Variants in CSE1L observed in about 807,000 individuals in gnomAD.
CSE1L encodes chromosome segregation 1 like.
In CSE1L, 24 loss-of-function variants were observed where a neutral mutation model predicts 120.4. The ratio of observed to expected loss-of-function variants is 0.20; its 90% confidence interval spans 0.14 to 0.28. CSE1L has a LOEUF of 0.28. Among genes scored for constraint, CSE1L ranks in the 10% least tolerant of loss-of-function variants. The pLI, the probability that CSE1L is intolerant of heterozygous loss-of-function variation, is 1.00. For synonymous variants in CSE1L, 402 were observed against 398.3 expected (o/e 1.01, Z -0.11); for missense variants, 830 against 1,145.2 (o/e 0.72, Z 3.97).
At position 49,063,117 on chromosome 20, in the gene CSE1L, G is replaced by T. The variant is rs886768797; in HGVS notation, c.86-85G>T. 52 of 692,302 alleles carry T rather than the reference G, an allele frequency of 7.5e-5. 1 individual carries two copies. The South Asian group carries it at 8.0e-4, about 11-fold the overall frequency. The allele number at this position is 692,302 out of a possible 1,614,324, so 42.9% of individuals were successfully genotyped here. A position where few individuals can be genotyped will look rare whatever the true frequency, so the allele number is the denominator to read the frequency against. ...ATAACCTAATCTTTTCTCTTTTTTT[G>T]ATTTTTTTTTATATATATATATTTG... On this transcript the variant is annotated intron_variant, in intron 2 of 24. Transcript: ENST00000262982.
chr20:49,072,195 TAA>T (rs2123708536), intron 8 of CSE1L, 89 bp from the exon 9 acceptor site: 18 of 1,334,072 alleles, frequency 1.3e-5, no homozygotes, highest in African/African-American at 2.9e-5. Flanking sequence ...ATTTAATTGA[TAA>T]AGAGTCTAGT....
In CSE1L at chr20:49,094,911, A is replaced by G. The variant is rs540079258; in HGVS notation, c.2774A>G (p.Lys925Arg). The G allele has an allele frequency of 4.3e-6, 7 of 1,614,168 alleles. No individual in the cohort carries two copies. The East Asian group carries it at 1.1e-4, about 26-fold the overall frequency. ...GTAGGTCAAATGGTGAATAACCCCA[A>G]AATTCACCTGGCACAGTCACTTCAC... is the stretch of plus-strand genomic sequence containing the variant. ...DPVGQMVNNPKIHLAQSLHKL... is the reference protein window; with the variant it reads ...DPVGQMVNNPRIHLAQSLHKL... The change falls in exon 24 of 25, where the codon AAA becomes AGA. Residue 925 changes from lysine (K) to arginine (R), a missense_variant. Lys to Arg is a conservative substitution (Grantham distance 26). Coordinates refer to ENST00000262982, the MANE Select transcript of CSE1L (RefSeq NM_001316.4).
chr20:49,065,312 A>ATTTTTTTTTTTTTTTTTTTTTTTTTTTTT (rs1568769017), intron 3 of CSE1L, among the ~76,000 whole-genome samples: 1 of 79,418 alleles, frequency 1.3e-5, no homozygotes, highest in Non-Finnish European at 2.4e-5. Flanking sequence ...ATGAAAAAAA[A>ATTTTTTTTTTTTTTTTTTTTTTTTTTTTT]ATTTTTTTTT....
In CSE1L at chr20:49,089,238, T is replaced by TA; in HGVS notation, c.1822-7dup. ...TTAGCATAATTAGGTTTTTTTTTTTTAATTTCAGAACCCAAGCAAACCTCA... is the reference window on the plus strand; with the variant it reads ...TTAGCATAATTAGGTTTTTTTTTTTTAAATTTCAGAACCCAAGCAAACCTCA... On this transcript the variant is annotated splice_polypyrimidine_tract_variant and intron_variant, in intron 17 of 24. Coordinates refer to ENST00000262982, the MANE Select transcript of CSE1L (RefSeq NM_001316.4). The TA allele has an allele frequency of 6.5e-7, 1 of 1,542,592 alleles. No homozygotes were observed. The highest frequency in any genetic ancestry group is 8.7e-7 in the Non-Finnish European group (1 of 1,151,820).
At chr20:49,059,257 A>G (rs1238027000) in intron 2 of CSE1L, among the ~76,000 whole-genome samples, 1 of 152,076 alleles carries the variant, frequency 6.6e-6, no homozygotes, top group Non-Finnish European at 1.5e-5. Flanking sequence ...TTAATTTTCT[A>G]TTGGGTTTGA....
At chr20:49,065,585 A>ATTTTTTTTT (rs1568769284) in intron 3 of CSE1L, among the ~76,000 whole-genome samples, 1 of 77,284 alleles carries the variant, frequency 1.3e-5, no homozygotes, top group South Asian at 6.0e-4. Context: ...CTAAAATGGA[A>ATTTTTTTTT]ATTTTTTTTT....
At chr20:49,072,516 A>C in intron 9 of CSE1L, 52 bp from the exon 10 acceptor site, 2 of 1,605,612 alleles carry the variant, frequency 1.2e-6, no homozygotes, top group Non-Finnish European at 1.7e-6. Flanking sequence ...CCAAGAAATA[A>C]GCTGTTGAGT....
chr20:49,085,045 ATGT>A (rs1244669406), intron 15 of CSE1L, among the ~76,000 whole-genome samples: 1 of 152,098 alleles, frequency 6.6e-6, no homozygotes, highest in African/African-American at 2.4e-5. Context: ...TCAACTTCAG[ATGT>A]TGTTGGGTTT....
At chr20:49,047,052 T>C (rs2123625258) in intron 1 of CSE1L, among the ~76,000 whole-genome samples, 1 of 152,320 alleles carries the variant, frequency 6.6e-6, no homozygotes, top group African/African-American at 2.4e-5. Flanking sequence ...ACCCGGGACA[T>C]AGAAATCCCC....
At chr20:49,086,359 C>CTTTTTTTTTTTT (rs10648977) in intron 16 of CSE1L, among the ~76,000 whole-genome samples, 4 of 77,644 alleles carry the variant, frequency 5.2e-5, no homozygotes, top group Non-Finnish European at 6.8e-5. Flanking sequence ...GTTTAATGTC[C>CTTTTTTTTTTTT]TTTTTTTTTT....
intron 2 of CSE1L, among the ~76,000 whole-genome samples, chr20:49,059,689 C>T (rs2091836898): frequency 6.6e-6 from 1 of 151,926 alleles, no homozygotes; most frequent in African/African-American, 2.4e-5. Context: ...ACCATCGTGG[C>T]TAATATGGTG....
At chr20:49,050,579 T>G (rs962573951) in intron 1 of CSE1L, among the ~76,000 whole-genome samples, 8 of 151,428 alleles carry the variant, frequency 5.3e-5, no homozygotes, top group Non-Finnish European at 1.0e-4. Context: ...ATTTTTTTTT[T>G]TTTGTATTTT....
In CSE1L at chr20:49,096,612, T is replaced by C; in HGVS notation, c.*174T>C. 1 of 618,138 alleles carries C rather than the reference T, an allele frequency of 1.6e-6. No individual in the cohort carries two copies. Among genetic ancestry groups the C allele is most frequent in the East Asian group, 2.8e-5 (1 of 36,344 alleles). The allele number at this position is 618,138 out of a possible 1,614,324, so 38.3% of individuals were successfully genotyped here. A position where few individuals can be genotyped will look rare whatever the true frequency, so the allele number is the denominator to read the frequency against. On this transcript the variant is annotated 3_prime_UTR_variant, in exon 25 of 25. Coordinates refer to ENST00000262982, the MANE Select transcript of CSE1L (RefSeq NM_001316.4). ...AACCTTGAGCAAATTAGTTGGTTTG[T>C]GTGATCATACAGTTATGTGGGTGGC...
intron 8 of CSE1L, among the ~76,000 whole-genome samples, chr20:49,071,156 T>C (rs889443002): frequency 3.0e-4 from 45 of 152,174 alleles, no homozygotes; most frequent in African/African-American, 1.0e-3. Context: ...AACTAAAAAT[T>C]AGAATTGGTG....
intron 1 of CSE1L, among the ~76,000 whole-genome samples, chr20:49,055,144 A>G (rs1382232600): frequency 2.6e-5 from 4 of 152,238 alleles, no homozygotes; most frequent in Non-Finnish European, 5.9e-5. Flanking sequence ...CCCTGTAATC[A>G]AACGTATTGA....
chr20:49,065,944 T>C (rs1015436795), intron 3 of CSE1L, among the ~76,000 whole-genome samples: 2 of 152,152 alleles, frequency 1.3e-5, no homozygotes, highest in African/African-American at 4.8e-5. Context: ...GTTCACTAAT[T>C]TGTATGTAAA....
intron 23 of CSE1L, 110 bp downstream of exon 23, chr20:49,094,396 A>G: frequency 9.7e-7 from 1 of 1,027,674 alleles, no homozygotes; most frequent in Non-Finnish European, 1.5e-6. Context: ...GTCTGATCTC[A>G]GCTTCTCCAC....
intron 1 of CSE1L, among the ~76,000 whole-genome samples, chr20:49,053,147 C>CTTTTT (rs71184250): frequency 4.1e-5 from 5 of 122,714 alleles, no homozygotes; most frequent in South Asian, 2.6e-4. Flanking sequence ...CCCTGTCTCT[C>CTTTTT]TTTTTTTTTT....
Position 49,062,148 on chromosome 20 carries a change from G to T in CSE1L, c.86-1054G>T, listed in dbSNP as rs75708270. On this transcript the variant is annotated intron_variant, in intron 2 of 24. Transcript: ENST00000262982. Reference sequence around the variant, plus strand: ...GTGTGTTGCCCTGTACAAAATGCTGGCTACTAAGTGGAGGAAACAAATTGT... The same window carrying T: ...GTGTGTTGCCCTGTACAAAATGCTGTCTACTAAGTGGAGGAAACAAATTGT... Among the ~76,000 whole-genome samples, 1,494 of 152,206 alleles carry T rather than the reference G, an allele frequency of 9.8e-3. 17 individuals are homozygous for T. Among genetic ancestry groups the T allele is most frequent in the Non-Finnish European group, 0.016 (1,075 of 68,004 alleles).
Sources: allele counts gnomAD v4.1 joint callset (sites outside exome capture counted in the v4.1 genomes callset), GRCh38; gene constraint gnomAD v4.1.1; transcripts MANE v1.5; gene names NCBI Gene and HGNC (gene_info 2026-07-23, HGNC 2026-07-21).